IGSF10: variants seen among roughly 807,000 people sequenced by gnomAD.
The protein encoded by IGSF10 is immunoglobulin superfamily member 10.
IGSF10 carries 126 observed loss-of-function variants against 128.2 expected under a neutral mutation model. That is an observed-to-expected ratio of 0.98 (90% confidence interval 0.85 to 1.14). The LOEUF (loss-of-function observed/expected upper bound fraction) is 1.14, where lower values mean the gene tolerates loss of function less well. IGSF10 is among the 50% of genes most tolerant of loss of function. IGSF10 has a pLI of 0.00. For missense variants in IGSF10, 3,295 were observed against 3,149.8 expected (o/e 1.05, Z -1.10); for synonymous variants, 1,185 against 1,146.2 (o/e 1.03, Z -0.68).
At chr3:151,505,634 TC>T in the IGSF10 span, among the ~76,000 whole-genome samples, 1 of 152,182 alleles carries the variant, frequency 6.6e-6, no homozygotes, top group African/African-American at 2.4e-5. Flanking sequence ...GTGAAATCTT[TC>T]TAAAGATATG....
Position 151,437,919 on chromosome 3 carries a change from T to C in IGSF10, c.6642A>G (p.Val2214=). The C allele has an allele frequency of 6.2e-7, 1 of 1,614,146 alleles. No individual in the cohort carries two copies. The highest frequency in any genetic ancestry group is 1.3e-5 in the African/African-American group (1 of 75,064). ...KLLDSGEYVC[V]ARNPSGDDTK... ...TGTCATCCCCACTGGGATTTCGGGC[T>C]ACACATACGTACTCTCCAGAATCGA... The change falls in exon 8 of 8, where the codon GTA becomes GTG. Residue 2214 remains valine, a synonymous_variant. Coordinates refer to ENST00000282466, the MANE Select transcript of IGSF10 (RefSeq NM_178822.5).
rs1441786357 is a variant in IGSF10, at chr3:151,437,018, T to C, written c.7543A>G (p.Thr2515Ala). ...ICKAQNSVGHTLITVPVMIVA... is the reference protein window; with the variant it reads ...ICKAQNSVGHALITVPVMIVA... The stretch of plus-strand genomic sequence containing the variant: ...ATCATTACTGGAACAGTAATCAGTG[T>C]ATGACCAACACTATTTTGAGCCTTA... The change falls in exon 8 of 8, where the codon ACA (threonine) becomes GCA (alanine). Residue 2515 changes from threonine (T) to alanine (A), a missense_variant. Thr to Ala is a moderately conservative substitution (Grantham distance 58). Transcript: ENST00000282466. 2.5e-6 allele frequency: 4 copies of C among 1,614,028 alleles called. No homozygotes were observed. In the Admixed American group the frequency reaches 6.7e-5, roughly 27 times the overall value.
At chr3:151,617,320 C>CTTCTTCTTCTTCTCCTCCT in the IGSF10 span, among the ~76,000 whole-genome samples, 19 of 83,630 alleles carry the variant, frequency 2.3e-4, no homozygotes, top group African/African-American at 6.3e-4. Context: ...CTTCTTCTTC[C>CTTCTTCTTCTTCTCCTCCT]CCTCCTCCTC....
chr3:151,557,138 C>G, the IGSF10 span, among the ~76,000 whole-genome samples: 1 of 152,076 alleles, frequency 6.6e-6, no homozygotes, highest in African/African-American at 2.4e-5. Flanking sequence ...GACAGGTTAA[C>G]AGGAAAAAAG....
the IGSF10 span, among the ~76,000 whole-genome samples, chr3:151,491,949 T>C: frequency 3.9e-5 from 6 of 152,246 alleles, no homozygotes; most frequent in Admixed American, 3.9e-4. Flanking sequence ...TATGTCATGA[T>C]TATTTATGCT....
chr3:151,472,165 C>A, the IGSF10 span, among the ~76,000 whole-genome samples: 1 of 152,092 alleles, frequency 6.6e-6, no homozygotes, highest in Non-Finnish European at 1.5e-5. Context: ...AAGCAATAAT[C>A]CTGGAAAAAC....
the IGSF10 span, among the ~76,000 whole-genome samples, chr3:151,467,317 C>T: frequency 5.3e-5 from 8 of 152,284 alleles, no homozygotes; most frequent in Admixed American, 4.6e-4. Context: ...GGCCTGTCTG[C>T]TATAACTACT....
In IGSF10 at chr3:151,446,401, C is replaced by T. The variant is rs151277761; in HGVS notation, c.3580G>A (p.Ala1194Thr). 256 of 1,614,020 alleles carry T rather than the reference C, an allele frequency of 1.6e-4. No homozygotes were observed. In the African/African-American group the frequency reaches 3.1e-3, roughly 20 times the overall value. ...AITKPPMTIIAITRFSRRKIP... is the reference protein window; with the variant it reads ...AITKPPMTIITITRFSRRKIP... Reference sequence around the variant, plus strand: ...TTCCTTCTTGAAAACCTTGTAATGGCTATAATAGTCATTGGTGGCTTGGTG... The same window carrying T: ...TTCCTTCTTGAAAACCTTGTAATGGTTATAATAGTCATTGGTGGCTTGGTG... Residue 1194 changes from alanine (A) to threonine (T), a missense_variant, in exon 6 of 8, where the codon GCC (alanine) becomes ACC (threonine). Ala to Thr is a moderately conservative substitution (Grantham distance 58, BLOSUM62 0). Coordinates refer to ENST00000282466, the MANE Select transcript of IGSF10 (RefSeq NM_178822.5).
chr3:151,512,781 T>C, the IGSF10 span, among the ~76,000 whole-genome samples: 3 of 152,136 alleles, frequency 2.0e-5, no homozygotes, highest in Non-Finnish European at 4.4e-5. Context: ...ACAAAGGGGA[T>C]ATCACCACTG....
the IGSF10 span, among the ~76,000 whole-genome samples, chr3:151,591,672 C>T: frequency 6.6e-6 from 1 of 151,816 alleles, no homozygotes; most frequent in African/African-American, 2.4e-5. Context: ...AGAAAAAATG[C>T]TAAATAGGTT....
At chr3:151,575,443 C>T in the IGSF10 span, among the ~76,000 whole-genome samples, 1 of 152,156 alleles carries the variant, frequency 6.6e-6, no homozygotes, top group Non-Finnish European at 1.5e-5. Flanking sequence ...GGATGCCCCT[C>T]CCCCAGCCTG....
the IGSF10 span, among the ~76,000 whole-genome samples, chr3:151,551,128 A>G: frequency 1.9e-4 from 29 of 152,254 alleles, no homozygotes; most frequent in African/African-American, 6.7e-4. Flanking sequence ...TGGCAACCAG[A>G]GGTGAAGAGT....
At chr3:151,490,073 T>G in the IGSF10 span, among the ~76,000 whole-genome samples, 1 of 152,142 alleles carries the variant, frequency 6.6e-6, no homozygotes, top group Non-Finnish European at 1.5e-5. Flanking sequence ...ATTTAAACAT[T>G]AAATTCTCCA....
chr3:151,477,394 T>C, the IGSF10 span, among the ~76,000 whole-genome samples: 1 of 152,208 alleles, frequency 6.6e-6, no homozygotes, highest in African/African-American at 2.4e-5. Flanking sequence ...GTTGCAGAAT[T>C]AAGTATAAAT....
At chr3:151,537,051 C>T in the IGSF10 span, among the ~76,000 whole-genome samples, 1 of 152,112 alleles carries the variant, frequency 6.6e-6, no homozygotes, top group African/African-American at 2.4e-5. Context: ...TTTCCAATAA[C>T]AATATTTGCT....
the IGSF10 span, among the ~76,000 whole-genome samples, chr3:151,502,643 CTA>C: frequency 1.6e-4 from 25 of 151,834 alleles, no homozygotes; most frequent in Admixed American, 1.3e-4. Flanking sequence ...TACTATATAA[CTA>C]AAATTTTTTC....
At chr3:151,515,999 T>C in the IGSF10 span, among the ~76,000 whole-genome samples, 1 of 152,018 alleles carries the variant, frequency 6.6e-6, no homozygotes, top group Non-Finnish European at 1.5e-5. Flanking sequence ...TATGCCACAG[T>C]GCATATTCAT....
At chr3:151,592,189 G>T in the IGSF10 span, among the ~76,000 whole-genome samples, 1 of 151,030 alleles carries the variant, frequency 6.6e-6, no homozygotes, top group Non-Finnish European at 1.5e-5. Context: ...ATTAAAAGGG[G>T]GTTAGAGAAG....
the IGSF10 span, among the ~76,000 whole-genome samples, chr3:151,513,192 T>C: frequency 6.6e-6 from 1 of 152,166 alleles, no homozygotes; most frequent in South Asian, 2.1e-4. Flanking sequence ...ATATCCTTGA[T>C]GAACACTGAT....
Sources: allele counts gnomAD v4.1 joint callset (sites outside exome capture counted in the v4.1 genomes callset), GRCh38; gene constraint gnomAD v4.1.1; transcripts MANE v1.5; gene names NCBI Gene and HGNC (gene_info 2026-07-23, HGNC 2026-07-21).